PAX6: variants seen among roughly 807,000 people sequenced by gnomAD.
PAX6 encodes the protein paired box 6.
Under a neutral mutation model 60.7 loss-of-function variants are expected in PAX6, and 7 were observed. That is an observed-to-expected ratio of 0.12 (90% CI 0.07 to 0.22). The LOEUF (loss-of-function observed/expected upper bound fraction) is 0.22, where lower values mean the gene tolerates loss of function less well. PAX6 is among the 10% of genes least tolerant of loss of function. The probability of loss-of-function intolerance (pLI) is 1.00; values close to 1 mark genes in which losing one functional copy is unlikely to be tolerated. For missense variants in PAX6, 355 were observed against 555.2 expected (o/e 0.64, Z 3.62); for synonymous variants, 208 against 201.2 (o/e 1.03, Z -0.29).
Position 31,794,651 on chromosome 11 carries a change from G to C in PAX6, c.703C>G (p.Gln235Glu). ...TCACCTTTCTCCAGGGCCTCAATTT[G>C]CTCTTGGGTAAAGGATGTTCTATTT... ...QRNRTSFTQE[Q>E]IEALEKEFER... The change falls in exon 9 of 14, where the codon CAA becomes GAA. Residue 235 changes from glutamine (Q) to glutamate (E), a missense_variant. Gln to Glu is a conservative substitution (Grantham distance 29, BLOSUM62 2). Around this residue, in one of 5 missense-constraint regions of PAX6, gnomAD observed 143 missense variants for 183.6 expected, o/e 0.78. Transcript: ENST00000640368. 6.2e-7 allele frequency: 1 copy of C among 1,614,154 alleles called. No individual in the cohort carries two copies. The highest frequency in any genetic ancestry group is 8.5e-7 in the Non-Finnish European group (1 of 1,180,036).
rs1953663252 is a variant in PAX6, at chr11:31,801,040, G to A, written c.400-184C>T. 26 of 786,670 alleles carry A rather than the reference G, an allele frequency of 3.3e-5. No homozygotes were observed. The South Asian group carries it at 3.7e-4, about 11-fold the overall frequency. 48.7% of individuals were successfully genotyped at this position (786,670 alleles called of 1,614,324 possible). ...AAATGATAGCTATCACTTTGGGCATGGAAATTTAGTTGGATAGAGAATTGG... is the reference window on the plus strand; with the variant it reads ...AAATGATAGCTATCACTTTGGGCATAGAAATTTAGTTGGATAGAGAATTGG... On this transcript the variant is annotated intron_variant, in intron 7 of 13. Coordinates refer to ENST00000640368, the MANE Select transcript of PAX6 (RefSeq NM_001368894.2).
intron 8 of PAX6, among the ~76,000 whole-genome samples, chr11:31,799,957 C>A (rs1364013610): frequency 6.9e-6 from 1 of 144,628 alleles, no homozygotes; most frequent in Non-Finnish European, 1.5e-5. Context: ...TCCGCCCCAC[C>A]CCCCCCATCC....
intron 8 of PAX6, among the ~76,000 whole-genome samples, chr11:31,798,145 T>C (rs756080260): frequency 1.4e-5 from 2 of 147,744 alleles, no homozygotes; most frequent in African/African-American, 2.5e-5. Flanking sequence ...CAAAACATTG[T>C]AGCATCTGTT....
intron 8 of PAX6, among the ~76,000 whole-genome samples, chr11:31,798,360 T>G (rs1252812482): frequency 6.6e-6 from 1 of 152,146 alleles, no homozygotes; most frequent in Non-Finnish European, 1.5e-5. Context: ...GTTGATCAGA[T>G]GGAAACCATA....
At chr11:31,808,161 TA>T (rs1403705504) in intron 2 of PAX6, 17 of 152,086 alleles carry the variant, frequency 1.1e-4, no homozygotes, top group African/African-American at 3.6e-4. Context: ...TTAAATGCAT[TA>T]TTTTTTCTGT....
At chr11:31,805,909 A>AG (rs57670232) in intron 4 of PAX6, 156,251 of 156,254 alleles carry the variant, frequency 1, 78,124 homozygotes, top group Middle Eastern at 1. Flanking sequence ...CTAGGCCCGT[A>AG]GTGGGGTGAG....
intron 4 of PAX6, 107 bp downstream of exon 4, chr11:31,806,295 G>T (rs562312770): frequency 1.3e-5 from 18 of 1,364,294 alleles, no homozygotes; most frequent in Admixed American, 2.1e-5. Flanking sequence ...GGCCTCAGTC[G>T]GTCGGCGGCC....
intron 12 of PAX6, 89 bp from the exon 13 acceptor site, chr11:31,790,949 A>T (rs752506202): frequency 1.4e-6 from 2 of 1,381,588 alleles, no homozygotes; most frequent in Admixed American, 3.9e-5. Flanking sequence ...AACTCTGCCA[A>T]CAAGTCTGAT....
intron 8 of PAX6, among the ~76,000 whole-genome samples, chr11:31,799,087 G>A (rs1952673705): frequency 6.6e-6 from 1 of 152,272 alleles, no homozygotes; most frequent in African/African-American, 2.4e-5. Context: ...TGCTGGGGGC[G>A]GAGGGGTGGA....
chr11:31,795,101 C>A (rs1951102618), intron 8 of PAX6, among the ~76,000 whole-genome samples: 1 of 152,154 alleles, frequency 6.6e-6, no homozygotes, highest in South Asian at 2.1e-4. Context: ...CCCCAAATGC[C>A]TCACTCCACT....
At chr11:31,811,631 C>G (rs1475219131), upstream of PAX6, 1 of 164,944 alleles carries the variant, frequency 6.1e-6, no homozygotes, top group Non-Finnish European at 1.3e-5. Context: ...GTCGCGCCCC[C>G]ACTCCCCCTA....
In PAX6 at chr11:31,806,403, G is replaced by A; in HGVS notation, c.9C>T (p.Asn3=). Residue 3 remains asparagine, a splice_region_variant and synonymous_variant, in exon 4 of 14, where the codon AAC becomes AAT. Coordinates refer to ENST00000640368, the MANE Select transcript of PAX6 (RefSeq NM_001368894.2). ...CCCAGAAAGACCAGAGGCACTTACT[G>A]TTCTGCATGCTGGCTCTGGCTGGGG... MQ[N]SHSGVNQLGG... 6.2e-7 allele frequency: 1 copy of A among 1,610,018 alleles called. No individual in the cohort carries two copies. Among genetic ancestry groups the A allele is most frequent in the Non-Finnish European group, 8.5e-7 (1 of 1,178,292 alleles).
chr11:31,810,532 CT>C (rs1317155322), intron 2 of PAX6: 6 of 228,974 alleles, frequency 2.6e-5, no homozygotes, highest in East Asian at 1.7e-4. Flanking sequence ...CGCCTGGAGT[CT>C]CCCTTCTTCC....
chr11:31,798,456 A>C (rs982879255), intron 8 of PAX6, among the ~76,000 whole-genome samples: 4 of 152,172 alleles, frequency 2.6e-5, no homozygotes, highest in Non-Finnish European at 5.9e-5. Flanking sequence ...CTGGGCTGGG[A>C]AAGGGGGCTA....
chr11:31,809,033 A>C (rs1427637579), intron 2 of PAX6, among the ~76,000 whole-genome samples: 1 of 152,146 alleles, frequency 6.6e-6, no homozygotes, highest in Non-Finnish European at 1.5e-5. Context: ...TGTCCCCAAC[A>C]CAAGCCTCAG....
chr11:31,790,204 A>G, intron 13 of PAX6, 185 bp from the exon 14 acceptor site: 1 of 602,842 alleles, frequency 1.7e-6, no homozygotes, highest in Non-Finnish European at 2.9e-6. Flanking sequence ...ACTAGACAAT[A>G]TATGTATATA....
At chr11:31,794,165 G>T (rs1389983203) in intron 9 of PAX6, 51 bp from the exon 10 acceptor site, 2 of 1,239,536 alleles carry the variant, frequency 1.6e-6, no homozygotes, top group East Asian at 4.6e-5. Flanking sequence ...CACAAAATAT[G>T]TTGACCAAAC....
chr11:31,798,767 A>C (rs561508151), intron 8 of PAX6, among the ~76,000 whole-genome samples: 16 of 152,352 alleles, frequency 1.1e-4, no homozygotes, highest in Admixed American at 5.9e-4. Flanking sequence ...CAACCATCAC[A>C]GGCGGACCCT....
chr11:31,815,030 T>TCTC (rs1957313094), upstream of PAX6: 39 of 71,562 alleles, frequency 5.4e-4, no homozygotes, highest in Admixed American at 1.8e-3. Context: ...CTCTCTCTCT[T>TCTC]TCTCTCTCTG....
Sources: allele counts gnomAD v4.1 joint callset (sites outside exome capture counted in the v4.1 genomes callset), GRCh38; gene constraint gnomAD v4.1.1; regional missense constraint gnomAD v4.1.1; transcripts MANE v1.5; gene names NCBI Gene and HGNC (gene_info 2026-07-23, HGNC 2026-07-21).